Variants in TTLL7 observed in about 807,000 individuals in gnomAD.
TTLL7 encodes tubulin tyrosine ligase like 7, also known as tubulin polyglutamylase TTLL7.
TTLL7 carries 53 observed loss-of-function variants against 120.2 expected under a neutral mutation model. The ratio of observed to expected loss-of-function variants is 0.44; its 90% CI spans 0.35 to 0.55. TTLL7 has a LOEUF of 0.55. TTLL7 is among the 20% of genes least tolerant of loss of function. The pLI is 0.00. For synonymous variants in TTLL7, 353 were observed against 351.7 expected, an observed-to-expected ratio of 1.00 and a Z score of -0.04; for missense variants, 803 against 1,054.7, an observed-to-expected ratio of 0.76 and a Z score of 3.31.
intron 10 of TTLL7, among the ~76,000 whole-genome samples, chr1:83,928,621 T>C (rs1329953923): frequency 6.6e-6 from 1 of 152,138 alleles, no homozygotes; most frequent in Non-Finnish European, 1.5e-5. Context: ...GCCTCTCTTT[T>C]TTATTTACAT....
rs1344440664 is a variant in TTLL7, at chr1:83,956,282, TTATG to T, written c.-176-3899_-176-3896del. Among the ~76,000 whole-genome samples the T allele has an allele frequency of 4.4e-3, 657 of 149,364 alleles. 3 individuals carry two copies. Among genetic ancestry groups the T allele is most frequent in the African/African-American group, 0.013 (519 of 40,426 alleles). The stretch of plus-strand genomic sequence containing the variant: ...TTTATTATTATTTTTATTTATTTAT[TTATG>T]TATTTATTTATTTATTATTTTAGAG... On this transcript the variant is annotated intron_variant, in intron 1 of 20. Transcript: ENST00000260505.
At chr1:83,893,398 G>A (rs55693838) in intron 18 of TTLL7, among the ~76,000 whole-genome samples, 71,779 of 151,366 alleles carry the variant, frequency 0.47, 18,018 homozygotes, top group Non-Finnish European at 0.57. Flanking sequence ...AAAAAAAAAT[G>A]AACACCAAAT....
intron 10 of TTLL7, among the ~76,000 whole-genome samples, chr1:83,922,929 A>G (rs1197405075): frequency 6.6e-6 from 1 of 150,718 alleles, no homozygotes; most frequent in African/African-American, 2.5e-5. Context: ...GAAAAAAGGT[A>G]AGTTTAGAGT....
rs112233987 is a variant in TTLL7 at position 83,947,059 on chromosome 1, C to T, written c.506+65G>A. The T allele has an allele frequency of 2.9e-6, 4 of 1,360,176 alleles. No individual in the cohort carries two copies. The East Asian group carries it at 7.6e-5, about 26-fold the overall frequency. 84.3% of individuals were successfully genotyped at this position (1,360,176 alleles called of 1,614,324 possible). ...GTACTCACGCATGAGTAATTATGCACATTTATTCTCCCCACTCCCAAATTT... is the reference window on the plus strand; with the variant it reads ...GTACTCACGCATGAGTAATTATGCATATTTATTCTCCCCACTCCCAAATTT... On this transcript the variant is annotated intron_variant, in intron 6 of 20. Coordinates refer to ENST00000260505, the MANE Select transcript of TTLL7 (RefSeq NM_024686.6).
chr1:83,948,875 C>A, intron 4 of TTLL7, 180 bp from the exon 5 acceptor site: 1 of 451,166 alleles, frequency 2.2e-6, no homozygotes. Context: ...GTATGGTAAT[C>A]AGAGAATAAA....
At chr1:83,940,046 C>T (rs1406903835) in intron 7 of TTLL7, among the ~76,000 whole-genome samples, 1 of 152,084 alleles carries the variant, frequency 6.6e-6, no homozygotes, top group Admixed American at 6.6e-5. Flanking sequence ...ATGAGTGATA[C>T]TGACACTGCA....
At chr1:83,925,448 T>A (rs1477986650) in intron 10 of TTLL7, among the ~76,000 whole-genome samples, 1 of 152,160 alleles carries the variant, frequency 6.6e-6, no homozygotes, top group South Asian at 2.1e-4. Flanking sequence ...GTTGAATGAT[T>A]TGCAGAATGA....
At chr1:83,892,719 T>TATATGAGCGC (rs1262628142) in intron 18 of TTLL7, among the ~76,000 whole-genome samples, 480 of 39,836 alleles carry the variant, frequency 0.012, 12 homozygotes, top group African/African-American at 0.036. Flanking sequence ...TATGAACATA[T>TATATGAGCGC]ATATGTGAAC....
At chr1:83,958,914 T>C (rs1220850266) in intron 1 of TTLL7, among the ~76,000 whole-genome samples, 1 of 152,194 alleles carries the variant, frequency 6.6e-6, no homozygotes, top group African/African-American at 2.4e-5. Context: ...GTATGCTGGT[T>C]CACAGACCAC....
chr1:83,907,743 G>T, intron 15 of TTLL7, 82 bp from the exon 16 acceptor site: 1 of 1,248,404 alleles, frequency 8.0e-7, no homozygotes, highest in Non-Finnish European at 1.1e-6. Context: ...ATAAACTAAA[G>T]ATTATAGCAG....
At position 83,883,167 on chromosome 1, in the gene TTLL7, G is replaced by A. The variant is rs773179242; in HGVS notation, c.2370-31C>T. Reference sequence around the variant, plus strand: ...GGCATGGAAACAGACATGATCTCATGTTGGCTGTTAAAAATGACAACCAGC... The same window carrying A: ...GGCATGGAAACAGACATGATCTCATATTGGCTGTTAAAAATGACAACCAGC... On this transcript the variant is annotated intron_variant, in intron 19 of 20. Transcript: ENST00000260505. 4 of 1,532,690 alleles carry A rather than the reference G, an allele frequency of 2.6e-6. No homozygotes were observed. In the African/African-American group the frequency reaches 5.6e-5, roughly 21 times the overall value. The allele number at this position is 1,532,690 out of a possible 1,614,324, so 94.9% of individuals were successfully genotyped here. A position where few individuals can be genotyped will look rare whatever the true frequency, so the allele number is the denominator to read the frequency against.
chr1:83,922,904 A>G (rs1255760816), intron 10 of TTLL7, among the ~76,000 whole-genome samples: 1 of 150,858 alleles, frequency 6.6e-6, no homozygotes, highest in African/African-American at 2.5e-5. Context: ...ACAGGGGAGC[A>G]ACAAAGGGAT....
Position 83,883,155 on chromosome 1 carries a change from A to G in TTLL7, c.2370-19T>C. 6.4e-7 allele frequency: 1 copy of G among 1,560,372 alleles called. No individual in the cohort carries two copies. Among genetic ancestry groups the G allele is most frequent in the Middle Eastern group, 1.8e-4 (1 of 5,582 alleles). The stretch of plus-strand genomic sequence containing the variant: ...AGAGGATCTGTTGGCATGGAAACAG[A>G]CATGATCTCATGTTGGCTGTTAAAA... On this transcript the variant is annotated intron_variant, in intron 19 of 20. Coordinates refer to ENST00000260505, the MANE Select transcript of TTLL7 (RefSeq NM_024686.6).
chr1:83,892,944 A>G (rs1332203853), intron 18 of TTLL7, among the ~76,000 whole-genome samples: 1 of 110,564 alleles, frequency 9.0e-6, no homozygotes, highest in Non-Finnish European at 1.7e-5. Flanking sequence ...GAAAGAAAGA[A>G]AGAAAGAAAA....
At chr1:83,900,756 CATT>C (rs1278434510) in intron 18 of TTLL7, among the ~76,000 whole-genome samples, 2 of 151,986 alleles carry the variant, frequency 1.3e-5, no homozygotes, top group African/African-American at 2.4e-5. Flanking sequence ...TGACTCATAA[CATT>C]ATGAACATGT....
intron 14 of TTLL7, chr1:83,912,429 ATTTAT>A (rs1557621528): frequency 1.3e-5 from 2 of 152,198 alleles, no homozygotes; most frequent in African/African-American, 2.4e-5. Context: ...CTAAGAGACT[ATTTAT>A]TACACACACC....
chr1:83,934,822 G>C (rs1000323936), intron 8 of TTLL7, among the ~76,000 whole-genome samples: 6 of 152,058 alleles, frequency 3.9e-5, no homozygotes, highest in Non-Finnish European at 8.8e-5. Flanking sequence ...CTTAAACTTT[G>C]TGTGTCTCAT....
At chr1:83,881,677 T>C (rs1654488112) in intron 20 of TTLL7, among the ~76,000 whole-genome samples, 1 of 151,672 alleles carries the variant, frequency 6.6e-6, no homozygotes, top group Non-Finnish European at 1.5e-5. Flanking sequence ...GAAGTCAGTG[T>C]GGCGATTCCT....
intron 18 of TTLL7, among the ~76,000 whole-genome samples, chr1:83,892,402 GAACATATATATGAACATATATA>G (rs1655635069): frequency 1.6e-5 from 1 of 61,632 alleles, no homozygotes; most frequent in Non-Finnish European, 4.1e-5. Context: ...GAATATATAT[GAACATATATATGAACATATATA>G]TGAACATATA....
Sources: allele counts gnomAD v4.1 joint callset (sites outside exome capture counted in the v4.1 genomes callset), GRCh38; gene constraint gnomAD v4.1.1; transcripts MANE v1.5; gene names NCBI Gene and HGNC (gene_info 2026-07-23, HGNC 2026-07-21).